Variants in LITAF observed in about 807,000 individuals in gnomAD.
LITAF encodes lipopolysaccharide-induced tumor necrosis factor-alpha factor.
LITAF carries 9 observed loss-of-function variants against 14.5 expected under a neutral mutation model. That is an observed-to-expected ratio of 0.62 (90% CI 0.37 to 1.08). LITAF has a LOEUF of 1.08. Ranked by LOEUF, LITAF falls within the 50% of genes least tolerant of loss-of-function variation. The probability of loss-of-function intolerance (pLI) is 0.01; values close to 1 mark genes in which losing one functional copy is unlikely to be tolerated. For synonymous variants in LITAF, 98 were observed against 88.2 expected (o/e 1.11, Z -0.62); for missense variants, 206 against 213.4 (o/e 0.97, Z 0.22).
At chr16:11,557,848 G>A (rs542142986) in intron 1 of LITAF, among the ~76,000 whole-genome samples, 59 of 152,278 alleles carry the variant, frequency 3.9e-4, no homozygotes, top group African/African-American at 1.4e-3. Context: ...TTTCTTTTGT[G>A]AGGGCAAAGA....
intron 1 of LITAF, among the ~76,000 whole-genome samples, chr16:11,597,102 G>A (rs1483324516): frequency 6.6e-6 from 1 of 152,142 alleles, no homozygotes; most frequent in Non-Finnish European, 1.5e-5. Context: ...CTCAGGTGAT[G>A]TGTCCTAGGA....
At chr16:11,628,683 CTT>C (rs35083001) in intron 3 of LITAF, among the ~76,000 whole-genome samples, 1 of 147,470 alleles carries the variant, frequency 6.8e-6, no homozygotes, top group African/African-American at 2.5e-5. Flanking sequence ...TTTTTCTTTT[CTT>C]TTTTTTTTTG....
intron 3 of LITAF, among the ~76,000 whole-genome samples, chr16:11,607,455 T>C (rs1249420094): frequency 6.6e-6 from 1 of 152,190 alleles, no homozygotes; most frequent in Non-Finnish European, 1.5e-5. Context: ...AATTAATTGG[T>C]TCTCTTTTTG....
intron 3 of LITAF, among the ~76,000 whole-genome samples, chr16:11,604,460 T>A (rs1190511094): frequency 1.3e-5 from 2 of 152,052 alleles, no homozygotes; most frequent in South Asian, 4.1e-4. Context: ...AGTTGGAAAG[T>A]CCATGGTGAG....
chr16:11,585,266 C>T (rs1049706426), intron 1 of LITAF, among the ~76,000 whole-genome samples: 8 of 151,546 alleles, frequency 5.3e-5, no homozygotes, highest in African/African-American at 1.2e-4. Flanking sequence ...ATTGATCCTA[C>T]GTCTTAGATC....
rs562181496 is a variant in LITAF at position 11,563,060 on chromosome 16, T to C, written c.-5-6325A>G. Among the ~76,000 whole-genome samples, 3 of 152,006 alleles carry C rather than the reference T, an allele frequency of 2.0e-5. 1 individual carries two copies. In the South Asian group the frequency reaches 6.2e-4, roughly 32 times the overall value. ...GGAGGATTTGCTCGAGCCTGGGAGC[T>C]TGAGGTTACAGTGAGCTGTGATCAC... On this transcript the variant is annotated intron_variant, in intron 1 of 3. Transcript: ENST00000622633.
chr16:11,580,753 C>T (rs1421129409), intron 1 of LITAF, among the ~76,000 whole-genome samples: 2 of 152,096 alleles, frequency 1.3e-5, no homozygotes, highest in African/African-American at 4.8e-5. Flanking sequence ...CCAGGAGCCC[C>T]AGGCCCCTAT....
intron 3 of LITAF, among the ~76,000 whole-genome samples, chr16:11,604,699 C>A (rs1019167408): frequency 1.6e-4 from 24 of 148,530 alleles, no homozygotes; most frequent in South Asian, 2.1e-4. Context: ...AGTTGTGTCA[C>A]CTGGATGGTT....
chr16:11,591,547 T>G (rs114627242), upstream of LITAF, among the ~76,000 whole-genome samples: 43 of 148,496 alleles, frequency 2.9e-4, no homozygotes, highest in African/African-American at 1.1e-3. Flanking sequence ...GGTTCTGGCA[T>G]AAGAATAGAC....
chr16:11,638,681 G>A (rs533197351), upstream of LITAF, among the ~76,000 whole-genome samples: 33 of 115,886 alleles, frequency 2.8e-4, 2 homozygotes, highest in South Asian at 8.7e-3. Flanking sequence ...AGCCTGGGCC[G>A]ACAGAGCAAG....
chr16:11,601,398 G>C (rs562399254), upstream of LITAF, among the ~76,000 whole-genome samples: 204 of 152,228 alleles, frequency 1.3e-3, 1 homozygote, highest in African/African-American at 4.7e-3. Flanking sequence ...ATCCCAGAGG[G>C]AAGGGGGCTC....
At chr16:11,597,476 T>C (rs146689845) in intron 1 of LITAF, among the ~76,000 whole-genome samples, 24 of 152,204 alleles carry the variant, frequency 1.6e-4, no homozygotes, top group African/African-American at 5.5e-4. Context: ...GGAAATATTA[T>C]CATCTCCGCT....
At chr16:11,617,862 T>G (rs1382853134) in intron 3 of LITAF, among the ~76,000 whole-genome samples, 2 of 152,146 alleles carry the variant, frequency 1.3e-5, no homozygotes, top group African/African-American at 4.8e-5. Context: ...ATTTATTCAT[T>G]CATTCATTTA....
chr16:11,603,132 G>A (rs1376275058), upstream of LITAF, among the ~76,000 whole-genome samples: 1 of 152,122 alleles, frequency 6.6e-6, no homozygotes, highest in East Asian at 1.9e-4. Context: ...AAAATAAAAG[G>A]AAGAACACAA....
chr16:11,577,323 T>TG (rs1274179029), intron 1 of LITAF, among the ~76,000 whole-genome samples: 1 of 150,356 alleles, frequency 6.7e-6, no homozygotes, highest in African/African-American at 2.5e-5. Flanking sequence ...TCTATTTTTT[T>TG]TTTTTTTTTT....
At chr16:11,571,465 A>C (rs11648497) in intron 1 of LITAF, among the ~76,000 whole-genome samples, 20,900 of 152,182 alleles carry the variant, frequency 0.14, 1,702 homozygotes, top group Middle Eastern at 0.19. Context: ...AGTTCAGGGT[A>C]ATGAGTTAGA....
At chr16:11,616,781 G>A (rs2065021973) in intron 3 of LITAF, among the ~76,000 whole-genome samples, 1 of 151,490 alleles carries the variant, frequency 6.6e-6, no homozygotes, top group South Asian at 2.1e-4. Flanking sequence ...GCATAGTGGT[G>A]CACACGTGTG....
chr16:11,620,909 C>G (rs2065046311), intron 3 of LITAF, among the ~76,000 whole-genome samples: 1 of 152,154 alleles, frequency 6.6e-6, no homozygotes, highest in Non-Finnish European at 1.5e-5. Flanking sequence ...TTGTGACTTT[C>G]TATTTTGAGA....
chr16:11,607,253 T>C (rs2141873148), intron 3 of LITAF, among the ~76,000 whole-genome samples: 1 of 152,334 alleles, frequency 6.6e-6, no homozygotes, highest in East Asian at 1.9e-4. Context: ...CAGGCCTGCA[T>C]CAGAGGATGC....
Sources: gnomAD v4.1 joint callset for allele counts (sites outside exome capture counted in the v4.1 genomes callset) on GRCh38, gnomAD v4.1.1 for gene constraint, MANE v1.5 for transcripts, NCBI Gene and HGNC (gene_info 2026-07-23, HGNC 2026-07-21) for gene names.